DNAJC12: variants seen among roughly 807,000 people sequenced by gnomAD.
DNAJC12 encodes the protein dnaJ homolog subfamily C member 12.
A neutral mutation model predicts 28.5 loss-of-function variants in DNAJC12; 25 were observed. The ratio of observed to expected loss-of-function variants is 0.88; its 90% CI spans 0.64 to 1.22. The LOEUF (loss-of-function observed/expected upper bound fraction) is 1.22, where lower values mean the gene tolerates loss of function less well. Ranked by LOEUF, DNAJC12 falls within the 50% of genes most tolerant of loss-of-function variation. DNAJC12 has a pLI of 0.00. For missense variants in DNAJC12, 222 were observed against 231.7 expected (o/e 0.96, Z 0.27); for synonymous variants, 77 against 80.6 (o/e 0.95, Z 0.24).
chr10:67,809,452 G>A (rs556950156), intron 3 of DNAJC12, among the ~76,000 whole-genome samples: 20 of 151,538 alleles, frequency 1.3e-4, no homozygotes, highest in South Asian at 1.3e-3. Context: ...AATTTAAATC[G>A]CCAACATATT....
chr10:67,801,384 G>A (rs1366378950), intron 4 of DNAJC12, among the ~76,000 whole-genome samples: 1 of 152,186 alleles, frequency 6.6e-6, no homozygotes, highest in Admixed American at 6.5e-5. Flanking sequence ...TCCAACTCCA[G>A]CTTTAAGGCA....
intron 4 of DNAJC12, among the ~76,000 whole-genome samples, chr10:67,797,599 C>G (rs773569451): frequency 2.0e-5 from 3 of 152,050 alleles, no homozygotes; most frequent in Admixed American, 6.6e-5. Flanking sequence ...AATTGAATTC[C>G]ATGGTAATAA....
At position 67,807,288 on chromosome 10, in the gene DNAJC12, A is replaced by T. The variant is rs534311506; in HGVS notation, c.298-1501T>A. ...AAAAAAAAAGAAAATATTCAATTTTAAAAATTAGGCGAAGTTTCGATGCAA... is the reference window on the plus strand; with the variant it reads ...AAAAAAAAAGAAAATATTCAATTTTTAAAATTAGGCGAAGTTTCGATGCAA... On this transcript the variant is annotated intron_variant, in intron 3 of 4. Coordinates refer to ENST00000225171, the MANE Select transcript of DNAJC12 (RefSeq NM_021800.3). Among the ~76,000 whole-genome samples, 5 of 152,284 alleles carry T rather than the reference A, an allele frequency of 3.3e-5. No homozygotes were observed. The South Asian group carries it at 1.0e-3, about 32-fold the overall frequency.
At chr10:67,830,436 G>T (rs1004879228) in intron 1 of DNAJC12, among the ~76,000 whole-genome samples, 1 of 151,414 alleles carries the variant, frequency 6.6e-6, no homozygotes, top group Non-Finnish European at 1.5e-5. Context: ...GTGAAACCCC[G>T]TCTCTACTAA....
intron 1 of DNAJC12, among the ~76,000 whole-genome samples, chr10:67,833,180 T>C (rs1842110160): frequency 6.6e-6 from 1 of 152,212 alleles, no homozygotes; most frequent in Non-Finnish European, 1.5e-5. Context: ...TGAAATTAGA[T>C]AAGACTTATA....
intron 1 of DNAJC12, among the ~76,000 whole-genome samples, chr10:67,828,362 C>A (rs941670215): frequency 3.9e-5 from 6 of 152,088 alleles, no homozygotes; most frequent in African/African-American, 1.4e-4. Flanking sequence ...AGCTCCATGT[C>A]ATCCTTAGTC....
In DNAJC12 at chr10:67,797,032, C is replaced by T. The variant is rs922806860; in HGVS notation, c.*84G>A. On this transcript the variant is annotated 3_prime_UTR_variant, in exon 5 of 5. Coordinates refer to ENST00000225171, the MANE Select transcript of DNAJC12 (RefSeq NM_021800.3). ...ATTCACAGACATGACATAAACATGA[C>T]ATTTTTAAGACATAAACAAAGACTG... 1 of 1,038,698 alleles carries T rather than the reference C, an allele frequency of 9.6e-7. No individual in the cohort carries two copies. Among genetic ancestry groups the T allele is most frequent in the Non-Finnish European group, 1.4e-6 (1 of 707,406 alleles). The allele number at this position is 1,038,698 out of a possible 1,614,324, so 64.3% of individuals were successfully genotyped here.
Position 67,814,091 on chromosome 10 carries a change from T to A in DNAJC12, c.158-2428A>T, listed in dbSNP as rs184589766. Among the ~76,000 whole-genome samples the A allele has an allele frequency of 4.6e-5, 7 of 151,052 alleles. No homozygotes were observed. The East Asian group carries it at 1.4e-3, about 29-fold the overall frequency. ...AGAGCAAAGTTGGAGAATTCACACT[T>A]CTGAATTTCAAAACTTATACTACAA... On this transcript the variant is annotated intron_variant, in intron 2 of 4. Coordinates refer to ENST00000225171, the MANE Select transcript of DNAJC12 (RefSeq NM_021800.3).
At chr10:67,817,601 G>T (rs1472552433) in intron 2 of DNAJC12, among the ~76,000 whole-genome samples, 1 of 152,128 alleles carries the variant, frequency 6.6e-6, no homozygotes, top group Non-Finnish European at 1.5e-5. Flanking sequence ...TTGAGGCTGG[G>T]TGCAGTAGCT....
At chr10:67,827,835 T>G (rs1320533688) in intron 1 of DNAJC12, among the ~76,000 whole-genome samples, 1 of 152,214 alleles carries the variant, frequency 6.6e-6, no homozygotes, top group African/African-American at 2.4e-5. Flanking sequence ...ATTAAGAAAG[T>G]CTATATCTTT....
Position 67,819,660 on chromosome 10 carries a change from G to GAGAAAGAAAGAAAGAAAGAAAGAAAGAA in DNAJC12, c.157+3626_157+3653dup, listed in dbSNP as rs60688341. 8.3e-4 allele frequency among the ~76,000 whole-genome samples: 29 copies of GAGAAAGAAAGAAAGAAAGAAAGAAAGAA among 34,918 alleles called. 2 individuals carry two copies. Among genetic ancestry groups the GAGAAAGAAAGAAAGAAAGAAAGAAAGAA allele is most frequent in the African/African-American group, 1.9e-3 (15 of 7,884 alleles). 22.9% of individuals were successfully genotyped at this position (34,918 alleles called of 152,430 possible). On this transcript the variant is annotated intron_variant, in intron 2 of 4. Transcript: ENST00000225171. ...ACAAAAAAAGAAAGAAAGAAAGAAA[G>GAGAAAGAAAGAAAGAAAGAAAGAAAGAA]AGAAAGAAAGAAAGAAAGAAAGAAA...
intron 3 of DNAJC12, among the ~76,000 whole-genome samples, chr10:67,809,974 T>TG (rs767219232): frequency 9.9e-5 from 15 of 152,136 alleles, no homozygotes; most frequent in Non-Finnish European, 2.1e-4. Flanking sequence ...AAAAACCACT[T>TG]GTATTAGTCC....
chr10:67,796,917 A>G lies in DNAJC12; in HGVS notation c.*199T>C, dbSNP rs1457859278. 3 of 467,842 alleles carry G rather than the reference A, an allele frequency of 6.4e-6. No individual in the cohort carries two copies. The highest frequency in any genetic ancestry group is 2.0e-5 in the African/African-American group (1 of 50,702). 29.0% of individuals were successfully genotyped at this position (467,842 alleles called of 1,614,324 possible). A position where few individuals can be genotyped will look rare whatever the true frequency, so the allele number is the denominator to read the frequency against. ...TCTAAGAGCTTTAATTTATTCAAAT[A>G]TTGGAAGAAATTCATCTTCTGAATT... On this transcript the variant is annotated 3_prime_UTR_variant, in exon 5 of 5. Coordinates refer to ENST00000225171, the MANE Select transcript of DNAJC12 (RefSeq NM_021800.3).
At chr10:67,829,126 G>A (rs546681687) in intron 1 of DNAJC12, among the ~76,000 whole-genome samples, 16 of 152,084 alleles carry the variant, frequency 1.1e-4, no homozygotes, top group Non-Finnish European at 2.1e-4. Context: ...CCAAGATAGG[G>A]AAGCAAAAAG....
intron 2 of DNAJC12, among the ~76,000 whole-genome samples, chr10:67,819,160 C>G (rs1011078145): frequency 6.6e-6 from 1 of 151,770 alleles, no homozygotes; most frequent in African/African-American, 2.4e-5. Flanking sequence ...GGTGAAACCC[C>G]GTCTCTAGTA....
intron 2 of DNAJC12, among the ~76,000 whole-genome samples, chr10:67,819,859 G>A (rs1589609460): frequency 6.6e-6 from 1 of 151,624 alleles, no homozygotes; most frequent in Non-Finnish European, 1.5e-5. Context: ...GTGCAGAATA[G>A]GTGTCCTCTT....
chr10:67,800,539 G>A (rs1841732126), intron 4 of DNAJC12, among the ~76,000 whole-genome samples: 1 of 152,220 alleles, frequency 6.6e-6, no homozygotes, highest in African/African-American at 2.4e-5. Context: ...TCCATTGCCA[G>A]AGCAAGCCCT....
intron 3 of DNAJC12, among the ~76,000 whole-genome samples, chr10:67,807,709 C>T (rs550433250): frequency 1.3e-5 from 2 of 152,264 alleles, no homozygotes; most frequent in South Asian, 4.1e-4. Flanking sequence ...AGCAAAGTGG[C>T]CTGTACGTGA....
At chr10:67,822,951 C>T (rs1488867553) in intron 2 of DNAJC12, among the ~76,000 whole-genome samples, 4 of 151,492 alleles carry the variant, frequency 2.6e-5, no homozygotes, top group Admixed American at 1.3e-4. Context: ...GACATGATCG[C>T]ACCACTGCAC....
Sources: gnomAD v4.1 joint callset for allele counts (sites outside exome capture counted in the v4.1 genomes callset) on GRCh38, gnomAD v4.1.1 for gene constraint, MANE v1.5 for transcripts, NCBI Gene and HGNC (gene_info 2026-07-23, HGNC 2026-07-21) for gene names.